Variants in GRIP1 observed in about 807,000 individuals in gnomAD.
GRIP1 encodes glutamate receptor-interacting protein 1.
GRIP1 carries 45 observed loss-of-function variants against 129.9 expected under a neutral mutation model. The ratio of observed to expected loss-of-function variants is 0.35; its 90% confidence interval spans 0.27 to 0.44. The LOEUF (loss-of-function observed/expected upper bound fraction) is 0.44. Among genes scored for constraint, GRIP1 ranks in the 20% least tolerant of loss-of-function variants. GRIP1 has a pLI of 1.00. For synonymous variants in GRIP1, 530 were observed against 520.8 expected, an observed-to-expected ratio of 1.02 and a Z score of -0.24; for missense variants, 1,196 against 1,396.8, an observed-to-expected ratio of 0.86 and a Z score of 2.29.
chr12:66,661,811 C>T (rs2033527603), intron 1 of GRIP1, among the ~76,000 whole-genome samples: 1 of 152,114 alleles, frequency 6.6e-6, no homozygotes, highest in South Asian at 2.1e-4. Flanking sequence ...ACCCATTCTT[C>T]TTTCCATCTC....
intron 1 of GRIP1, among the ~76,000 whole-genome samples, chr12:66,999,963 T>C (rs1251690254): frequency 6.6e-6 from 1 of 152,174 alleles, no homozygotes; most frequent in Non-Finnish European, 1.5e-5. Context: ...TCTTCTTCCC[T>C]CCCATTAAGT....
chr12:67,058,442 C>T (rs7298885), intron 1 of GRIP1, among the ~76,000 whole-genome samples: 146,445 of 152,316 alleles, frequency 0.96, 70,683 homozygotes, highest in East Asian at 1. Flanking sequence ...GTCTTGAGTA[C>T]ATGTAGTGAT....
At chr12:66,767,558 G>A (rs1254090182) in intron 1 of GRIP1, among the ~76,000 whole-genome samples, 2 of 140,970 alleles carry the variant, frequency 1.4e-5, no homozygotes, top group African/African-American at 5.3e-5. Flanking sequence ...CTCAGCAAGT[G>A]GCTGTCTCTG....
At chr12:66,653,173 T>A (rs1565943448) in intron 1 of GRIP1, among the ~76,000 whole-genome samples, 1 of 152,236 alleles carries the variant, frequency 6.6e-6, no homozygotes, top group Admixed American at 6.5e-5. Context: ...CGTTTCTACA[T>A]ACAATTTTCA....
chr12:66,674,594 T>C (rs1485144783), intron 1 of GRIP1, among the ~76,000 whole-genome samples: 16 of 152,212 alleles, frequency 1.1e-4, no homozygotes, highest in Admixed American at 9.8e-4. Flanking sequence ...AACTGTGAGA[T>C]TGTTCTTGTC....
At chr12:66,384,686 G>A (rs1654405203) in intron 19 of GRIP1, among the ~76,000 whole-genome samples, 1 of 152,178 alleles carries the variant, frequency 6.6e-6, no homozygotes, top group Non-Finnish European at 1.5e-5. Flanking sequence ...AGATAAGTGA[G>A]GAAGGAGTTA....
At chr12:67,055,793 A>AC (rs981744656) in intron 1 of GRIP1, among the ~76,000 whole-genome samples, 5 of 151,916 alleles carry the variant, frequency 3.3e-5, no homozygotes, top group African/African-American at 7.3e-5. Context: ...GTATTTAGAG[A>AC]CCCCCCAGAA....
chr12:67,063,230 C>T (rs2043565363), intron 1 of GRIP1, among the ~76,000 whole-genome samples: 1 of 152,178 alleles, frequency 6.6e-6, no homozygotes, highest in South Asian at 2.1e-4. Context: ...TGTGCTGGCA[C>T]TTAAGGAATC....
intron 2 of GRIP1, among the ~76,000 whole-genome samples, chr12:66,556,788 C>T (rs889205042): frequency 6.6e-6 from 1 of 151,828 alleles, no homozygotes; most frequent in East Asian, 1.9e-4. Context: ...ACAGTATTTG[C>T]AAGCCTTATG....
In GRIP1 at chr12:66,738,647, G is replaced by A. The variant is rs947325166; in HGVS notation, c.-420+65406C>T. Among the ~76,000 whole-genome samples the A allele has an allele frequency of 5.9e-5, 9 of 152,314 alleles. No homozygotes were observed. The East Asian group carries it at 1.5e-3, about 26-fold the overall frequency. ...CCTGTGATGTGAAGAAGATGGGTCA[G>A]AAGGAGCAAAAGGGGACACAGGGAG... On this transcript the variant is annotated intron_variant, in intron 1 of 4. Coordinates refer to the GRIP1 transcript ENST00000538373.
intron 2 of GRIP1, among the ~76,000 whole-genome samples, chr12:66,570,132 T>TGGA (rs2139492012): frequency 6.6e-6 from 1 of 151,798 alleles, no homozygotes; most frequent in African/African-American, 2.4e-5. Context: ...TGTATGTATA[T>TGGA]ATTAGAGACA....
At chr12:66,668,182 T>C (rs935508240) in intron 1 of GRIP1, among the ~76,000 whole-genome samples, 1 of 152,202 alleles carries the variant, frequency 6.6e-6, no homozygotes, top group Non-Finnish European at 1.5e-5. Flanking sequence ...AATAAACAAG[T>C]AGCATCTATA....
chr12:66,874,931 T>C (rs980170541), intron 1 of GRIP1, among the ~76,000 whole-genome samples: 7 of 149,816 alleles, frequency 4.7e-5, no homozygotes, highest in Non-Finnish European at 8.9e-5. Context: ...TTAGCAGCCT[T>C]TGTACATTCT....
intron 1 of GRIP1, among the ~76,000 whole-genome samples, chr12:66,945,417 G>A (rs1345460991): frequency 7.2e-5 from 11 of 152,182 alleles, no homozygotes; most frequent in Admixed American, 7.2e-4. Context: ...AAAGAAAAGA[G>A]TGTTTAATTG....
Position 66,361,329 on chromosome 12 carries a change from G to A in GRIP1, c.3013-7766C>T, listed in dbSNP as rs889991160. 3.3e-5 allele frequency among the ~76,000 whole-genome samples: 5 copies of A among 152,024 alleles called. No individual in the cohort carries two copies. The East Asian group carries it at 7.7e-4, about 24-fold the overall frequency. The stretch of plus-strand genomic sequence containing the variant: ...GGCACCAAGAGCTGGAAAAAATGAG[G>A]GCTCAACAATGAGAGAATCAGTAGC... On this transcript the variant is annotated intron_variant, in intron 23 of 24. Transcript: ENST00000359742.
At chr12:66,474,952 T>G (rs559733231) in intron 7 of GRIP1, among the ~76,000 whole-genome samples, 9 of 152,280 alleles carry the variant, frequency 5.9e-5, no homozygotes, top group Admixed American at 1.3e-4. Context: ...AACATCATAA[T>G]GACAGGACCA....
chr12:67,045,006 C>T (rs1255073602), intron 1 of GRIP1, among the ~76,000 whole-genome samples: 3 of 152,092 alleles, frequency 2.0e-5, no homozygotes, highest in Non-Finnish European at 2.9e-5. Context: ...AAAAGATGCA[C>T]CTAAGTTCAC....
At chr12:66,566,556 A>G (rs1324434052) in intron 2 of GRIP1, among the ~76,000 whole-genome samples, 1 of 152,158 alleles carries the variant, frequency 6.6e-6, no homozygotes, top group Admixed American at 6.5e-5. Flanking sequence ...ATTGATTTTC[A>G]TCAGGGATAT....
intron 15 of GRIP1, among the ~76,000 whole-genome samples, chr12:66,419,611 T>C (rs2057733263): frequency 6.6e-6 from 1 of 152,076 alleles, no homozygotes; most frequent in African/African-American, 2.4e-5. Context: ...AATAAAAAAA[T>C]GGTAATAACT....
Sources: gnomAD v4.1 joint callset for allele counts (sites outside exome capture counted in the v4.1 genomes callset) on GRCh38, gnomAD v4.1.1 for gene constraint, MANE v1.5 for transcripts, NCBI Gene and HGNC (gene_info 2026-07-23, HGNC 2026-07-21) for gene names.